PLEKHM1: variants seen among roughly 807,000 people sequenced by gnomAD.
PLEKHM1 encodes the protein pleckstrin homology domain-containing family M member 1.
PLEKHM1 carries 28 observed loss-of-function variants against 94.3 expected under a neutral mutation model. The ratio of observed to expected loss-of-function variants is 0.30; its 90% CI spans 0.22 to 0.41. The LOEUF is 0.41. PLEKHM1 is among the 10% of genes least tolerant of loss of function. PLEKHM1 has a pLI of 1.00. For missense variants in PLEKHM1, 907 were observed against 1,358.6 expected, an observed-to-expected ratio of 0.67 and a Z score of 5.22; for synonymous variants, 424 against 581.2, an observed-to-expected ratio of 0.73 and a Z score of 3.89.
intron 7 of PLEKHM1, among the ~76,000 whole-genome samples, chr17:45,451,776 G>A (rs992112500): frequency 1.1e-4 from 17 of 152,210 alleles, no homozygotes; most frequent in African/African-American, 3.6e-4. Context: ...GCCATGGTGA[G>A]AGTTGCCCCC....
chr17:45,439,762 A>AC, intron 10 of PLEKHM1, 128 bp from the exon 11 acceptor site: 1 of 1,249,704 alleles, frequency 8.0e-7, no homozygotes, highest in Non-Finnish European at 1.1e-6. Context: ...GAGAACTTCT[A>AC]CCCCCCGTTT....
intron 2 of PLEKHM1, among the ~76,000 whole-genome samples, chr17:45,481,255 T>C (rs2145346985): frequency 6.6e-6 from 1 of 152,246 alleles, no homozygotes; most frequent in African/African-American, 2.4e-5. Context: ...ATTATTTGTC[T>C]TTTTATTGTT....
rs1405966450 is a variant in PLEKHM1, at chr17:45,438,710, C to T, written c.3060-741G>A. ...TAGCTGGGATTACAGGTGCCCACCA[C>T]CACACCTGGCTTACTTTTGTGTTTT... is the stretch of plus-strand genomic sequence containing the variant. On this transcript the variant is annotated intron_variant, in intron 11 of 11. Coordinates refer to ENST00000430334, the MANE Select transcript of PLEKHM1 (RefSeq NM_014798.3). Among the ~76,000 whole-genome samples, 3 of 152,084 alleles carry T rather than the reference C, an allele frequency of 2.0e-5. No homozygotes were observed. In the East Asian group the frequency reaches 5.8e-4, roughly 30 times the overall value.
chr17:45,472,579 G>T (rs1236601977), intron 4 of PLEKHM1, among the ~76,000 whole-genome samples: 1 of 152,192 alleles, frequency 6.6e-6, no homozygotes, highest in Admixed American at 6.5e-5. Flanking sequence ...CACACTGCAG[G>T]CCTGTCATGC....
rs761784201 is a variant in PLEKHM1 at position 45,437,763 on chromosome 17, T to C, written c.*95A>G. 2 of 952,560 alleles carry C rather than the reference T, an allele frequency of 2.1e-6. No homozygotes were observed. Among genetic ancestry groups the C allele is most frequent in the Non-Finnish European group, 3.4e-6 (2 of 583,444 alleles). 59.0% of individuals were successfully genotyped at this position (952,560 alleles called of 1,614,324 possible). A position where few individuals can be genotyped will look rare whatever the true frequency, so the allele number is the denominator to read the frequency against. On this transcript the variant is annotated 3_prime_UTR_variant, in exon 12 of 12. Coordinates refer to ENST00000430334, the MANE Select transcript of PLEKHM1 (RefSeq NM_014798.3). This position sits in a 1 kb window ranked among gnomAD's most constrained non-coding sequence, Gnocchi z 4.0. ...TCTTCCTGACAAGGGGACACAGCTG[T>C]GACACGGTGAGTATCCTGGGCTGAT...
At position 45,478,097 on chromosome 17, in the gene PLEKHM1, G is replaced by A. The variant is rs372104697; in HGVS notation, c.99C>T (p.Tyr33=). ...VGSVKALQKQ[Y]VSLDTVVTSE... ...TAGTGACCACCGTGTCCAGGGACAC[G>A]TACTGCTTCTGCAAGGCCTTCACGG... is the stretch of plus-strand genomic sequence containing the variant. Residue 33 remains tyrosine, a synonymous_variant, in exon 3 of 12, where the codon TAC becomes TAT. Transcript: ENST00000430334. 84 of 1,614,044 alleles carry A rather than the reference G, an allele frequency of 5.2e-5. No individual in the cohort carries two copies. The highest frequency in any genetic ancestry group is 8.9e-5 in the East Asian group (4 of 44,888).
chr17:45,453,848 C>T lies in PLEKHM1; in HGVS notation c.2004G>A (p.Gln668=), dbSNP rs2050854945. Residue 668 remains glutamine, a synonymous_variant, in exon 7 of 12, where the codon CAG becomes CAA. Transcript: ENST00000430334. The surrounding 1 kb of genome is among the most constrained non-coding windows in gnomAD (Gnocchi z 4.1). ...CGGACGACCAGTCAAACTGTGTGCCCTGGAGGGCCGCGGGCTCCGAGAGCA... is the reference window on the plus strand; with the variant it reads ...CGGACGACCAGTCAAACTGTGTGCCTTGGAGGGCCGCGGGCTCCGAGAGCA... ...SDLLSEPAAL[Q]GTQFDWSSAQ... is the part of the protein sequence containing the mutation. 2 of 1,613,878 alleles carry T rather than the reference C, an allele frequency of 1.2e-6. No individual in the cohort carries two copies. The highest frequency in any genetic ancestry group is 1.7e-6 in the Non-Finnish European group (2 of 1,179,880).
intron 4 of PLEKHM1, among the ~76,000 whole-genome samples, chr17:45,468,866 G>A (rs2051408587): frequency 6.6e-6 from 1 of 152,098 alleles, no homozygotes; most frequent in African/African-American, 2.4e-5. Flanking sequence ...AAGAGGACTT[G>A]GTATGAATGA....
At chr17:45,439,757 C>T (rs934206139) in intron 10 of PLEKHM1, 123 bp from the exon 11 acceptor site, 2 of 1,284,844 alleles carry the variant, frequency 1.6e-6, no homozygotes, top group South Asian at 2.4e-5. Context: ...GCCTGGAGAA[C>T]TTCTACCCCC....
At chr17:45,479,185 C>T (rs2145337886) in intron 2 of PLEKHM1, among the ~76,000 whole-genome samples, 1 of 151,910 alleles carries the variant, frequency 6.6e-6, no homozygotes, top group South Asian at 2.1e-4. Flanking sequence ...ATCAGCCTGG[C>T]AAACATGATG....
intron 5 of PLEKHM1, among the ~76,000 whole-genome samples, chr17:45,461,393 TAA>T (rs2051148431): frequency 6.6e-6 from 1 of 152,246 alleles, no homozygotes; most frequent in Admixed American, 6.5e-5. Context: ...TTAGTTTTGA[TAA>T]AGTCTAGTTT....
In PLEKHM1 at chr17:45,445,744, C is replaced by T. The variant is rs2050588851; in HGVS notation, c.2644-81G>A. The T allele has an allele frequency of 3.1e-6, 3 of 971,534 alleles. No homozygotes were observed. In the Admixed American group the frequency reaches 5.2e-5, roughly 17 times the overall value. The allele number at this position is 971,534 out of a possible 1,614,324, so 60.2% of individuals were successfully genotyped here. ...GCCTGGCCAGGTGCCACATGACCTGCTCACTTACCTGAGGGGCTATCTTCA... is the reference window on the plus strand; with the variant it reads ...GCCTGGCCAGGTGCCACATGACCTGTTCACTTACCTGAGGGGCTATCTTCA... On this transcript the variant is annotated intron_variant, in intron 8 of 11. Coordinates refer to ENST00000430334, the MANE Select transcript of PLEKHM1 (RefSeq NM_014798.3). The surrounding 1 kb of genome is among the most constrained non-coding windows in gnomAD (Gnocchi z 4.2).
intron 1 of PLEKHM1, chr17:45,488,009 G>A (rs956373496): frequency 5.8e-6 from 2 of 345,548 alleles, no homozygotes; most frequent in African/African-American, 4.3e-5. Context: ...TGCTGACTGA[G>A]GAAACTGCAC....
rs544490582 is a variant in PLEKHM1, at chr17:45,479,500, A to G, written c.49-1353T>C. On this transcript the variant is annotated intron_variant, in intron 2 of 11. Transcript: ENST00000430334. ...ACCACTGCACTCCAGCCTGGGCGAC[A>G]GAGCGAGACTCCGCCTCAAAAAAAA... Among the ~76,000 whole-genome samples, 14 of 149,546 alleles carry G rather than the reference A, an allele frequency of 9.4e-5. No homozygotes were observed. In the South Asian group the frequency reaches 2.8e-3, roughly 30 times the overall value.
intron 1 of PLEKHM1, among the ~76,000 whole-genome samples, chr17:45,482,855 G>A (rs1248066758): frequency 6.6e-6 from 1 of 151,776 alleles, no homozygotes; most frequent in Non-Finnish European, 1.5e-5. Context: ...GGAACGACAG[G>A]CTGATTCAGA....
At chr17:45,446,101 A>C in intron 8 of PLEKHM1, 1 of 288,104 alleles carries the variant, frequency 3.5e-6, no homozygotes, top group South Asian at 3.7e-5. Context: ...CTCCAGCCAC[A>C]GGAAGCTACA....
At chr17:45,455,648 G>A (rs577778968) in intron 6 of PLEKHM1, among the ~76,000 whole-genome samples, 11 of 152,096 alleles carry the variant, frequency 7.2e-5, no homozygotes, top group East Asian at 5.8e-4. Context: ...TCTTTCTTTC[G>A]CAGCCTACAT....
chr17:45,489,064 A>G (rs1882396059), intron 1 of PLEKHM1, among the ~76,000 whole-genome samples: 1 of 152,220 alleles, frequency 6.6e-6, no homozygotes, highest in African/African-American at 2.4e-5. Context: ...TGAGCATGGG[A>G]CTTGGGTGCC....
At chr17:45,478,219 T>C (rs1187547653) in intron 2 of PLEKHM1, 72 bp from the exon 3 acceptor site, 16 of 1,591,656 alleles carry the variant, frequency 1.0e-5, no homozygotes, top group Non-Finnish European at 1.3e-5. Flanking sequence ...TGTAATCCTT[T>C]AGCTGGTGCC....
Sources: allele counts gnomAD v4.1 joint callset (sites outside exome capture counted in the v4.1 genomes callset), GRCh38; gene constraint gnomAD v4.1.1; non-coding constraint Gnocchi (gnomAD v3.1); transcripts MANE v1.5; gene names NCBI Gene and HGNC (gene_info 2026-07-23, HGNC 2026-07-21).